VMP1: variants seen among roughly 807,000 people sequenced by gnomAD.
VMP1 encodes the protein vacuole membrane protein 1.
A neutral mutation model predicts 56.0 loss-of-function variants in VMP1; 11 were observed. That is an observed-to-expected ratio of 0.20 (90% CI 0.12 to 0.32). The LOEUF (loss-of-function observed/expected upper bound fraction) is 0.32. VMP1 is among the 10% of genes least tolerant of loss of function. The probability of loss-of-function intolerance (pLI) is 1.00; values close to 1 mark genes in which losing one functional copy is unlikely to be tolerated. For synonymous variants in VMP1, 149 were observed against 165.0 expected (o/e 0.90, Z 0.74); for missense variants, 296 against 490.3 (o/e 0.60, Z 3.74).
At chr17:59,831,825 A>AG (rs2038817472) in intron 10 of VMP1, among the ~76,000 whole-genome samples, 1 of 151,674 alleles carries the variant, frequency 6.6e-6, no homozygotes. Flanking sequence ...AGAAGTTAAC[A>AG]ATAACAAAAG....
chr17:59,754,191 CA>C (rs555168407), intron 5 of VMP1, among the ~76,000 whole-genome samples: 5 of 151,574 alleles, frequency 3.3e-5, no homozygotes, highest in Admixed American at 1.3e-4. Context: ...AAAAAGAAAA[CA>C]AAAAAAATTA....
intron 10 of VMP1, among the ~76,000 whole-genome samples, chr17:59,820,967 TTTTTTTG>T (rs1252576137): frequency 1.3e-5 from 2 of 151,214 alleles, no homozygotes; most frequent in African/African-American, 4.9e-5. Flanking sequence ...CTTTCTTTCT[TTTTTTTG>T]TTTTTTTTTT....
chr17:59,801,223 T>C (rs956151865), intron 7 of VMP1, among the ~76,000 whole-genome samples: 3 of 151,358 alleles, frequency 2.0e-5, no homozygotes, highest in Non-Finnish European at 4.4e-5. Flanking sequence ...ATATATTTAC[T>C]ATACTATAGT....
chr17:59,821,607 G>A (rs1179538590), intron 10 of VMP1, among the ~76,000 whole-genome samples: 2 of 140,120 alleles, frequency 1.4e-5, no homozygotes, highest in Non-Finnish European at 3.0e-5. Context: ...GTGCAATGGT[G>A]CGATCTCAGA....
In VMP1 at chr17:59,765,009, A is replaced by G. The variant is rs779226470; in HGVS notation, c.453A>G (p.Glu151=). The change falls in exon 6 of 12, where the codon GAA becomes GAG. Residue 151 remains glutamate, a synonymous_variant. Coordinates refer to ENST00000262291, the MANE Select transcript of VMP1 (RefSeq NM_030938.5). The part of the protein sequence containing the change: ...HIASVTLAAY[E]CNSVNFPEPP... ...CCTCAGTTACATTAGCTGCTTATGA[A>G]TGCAATTCAGTTAATTTTCCCGAAC... 2.0e-5 allele frequency: 32 copies of G among 1,613,500 alleles called. No individual in the cohort carries two copies. The highest frequency in any genetic ancestry group is 2.5e-6 in the Non-Finnish European group (3 of 1,179,824).
At chr17:59,755,957 G>C (rs1045466083) in intron 5 of VMP1, among the ~76,000 whole-genome samples, 14 of 151,942 alleles carry the variant, frequency 9.2e-5, no homozygotes, top group Non-Finnish European at 5.9e-5. Flanking sequence ...AGCTAGTCTC[G>C]AACTCCTGGG....
chr17:59,757,238 GAGATAGAT>G (rs72408206), intron 5 of VMP1, among the ~76,000 whole-genome samples: 29,101 of 146,724 alleles, frequency 0.2, 3,132 homozygotes, highest in Middle Eastern at 0.28. Context: ...GATTAGGATG[GAGATAGAT>G]AGATAGATAG....
At chr17:59,821,169 A>G (rs1246839669) in intron 10 of VMP1, among the ~76,000 whole-genome samples, 1 of 151,808 alleles carries the variant, frequency 6.6e-6, no homozygotes, top group Admixed American at 6.6e-5. Context: ...ACAGGGTTTC[A>G]CGGTGTTAGC....
Position 59,838,421 on chromosome 17 carries a change from C to A in VMP1, c.1077+24C>A, listed in dbSNP as rs2039053874. 5 of 1,611,868 alleles carry A rather than the reference C, an allele frequency of 3.1e-6. No homozygotes were observed. The East Asian group carries it at 1.1e-4, about 36-fold the overall frequency. On this transcript the variant is annotated intron_variant, in intron 11 of 11. Transcript: ENST00000262291. ...AGGTAAGACTTTAATCCGGTTTCTT[C>A]TCCCCTCTGGGAAGTTTCGGGCTGA...
chr17:59,832,064 T>C (rs545544714), intron 10 of VMP1, among the ~76,000 whole-genome samples: 1 of 151,902 alleles, frequency 6.6e-6, no homozygotes, highest in African/African-American at 2.4e-5. Flanking sequence ...TTTTTTTTAA[T>C]CTTACATTTG....
chr17:59,804,131 T>A (rs2037766431), intron 7 of VMP1, among the ~76,000 whole-genome samples: 1 of 151,952 alleles, frequency 6.6e-6, no homozygotes, highest in Non-Finnish European at 1.5e-5. Flanking sequence ...ATACAAATAA[T>A]TAAAAAATAT....
chr17:59,787,839 G>A (rs1301569015), intron 7 of VMP1, among the ~76,000 whole-genome samples: 2 of 151,816 alleles, frequency 1.3e-5, no homozygotes, highest in Non-Finnish European at 2.9e-5. Flanking sequence ...TAATTAATTA[G>A]TTAATTAATT....
In VMP1 at chr17:59,761,123, G is replaced by A. The variant is rs1166596721; in HGVS notation, c.415-3848G>A. On this transcript the variant is annotated intron_variant, in intron 5 of 11. Transcript: ENST00000262291. The stretch of plus-strand genomic sequence containing the variant: ...TCACCATGTTGGCCAGGCTAGTCTC[G>A]AACTCCTGACCTCATGATCCACCCA... Among the ~76,000 whole-genome samples the A allele has an allele frequency of 2.3e-5, 3 of 131,788 alleles. No individual in the cohort carries two copies. In the South Asian group the frequency reaches 7.4e-4, roughly 33 times the overall value. The allele number at this position is 131,788 out of a possible 152,430, so 86.5% of individuals were successfully genotyped here.
intron 10 of VMP1, among the ~76,000 whole-genome samples, chr17:59,833,314 A>G (rs1598463285): frequency 6.6e-6 from 1 of 152,168 alleles, no homozygotes; most frequent in African/African-American, 2.4e-5. Context: ...AAACTATAGT[A>G]TAAGAGTACT....
At chr17:59,789,833 C>T (rs1219083776) in intron 7 of VMP1, among the ~76,000 whole-genome samples, 1 of 97,122 alleles carries the variant, frequency 1.0e-5, no homozygotes, top group African/African-American at 4.0e-5. Flanking sequence ...TTCTTTCTTT[C>T]CCTTTTTTTT....
chr17:59,712,230 C>T (rs1193787690), intron 1 of VMP1, among the ~76,000 whole-genome samples: 1 of 152,162 alleles, frequency 6.6e-6, no homozygotes, highest in Non-Finnish European at 1.5e-5. Context: ...CTTTATGTTG[C>T]TGCTTACTTA....
At chr17:59,831,095 G>A (rs924955310) in intron 10 of VMP1, among the ~76,000 whole-genome samples, 38 of 152,116 alleles carry the variant, frequency 2.5e-4, no homozygotes, top group African/African-American at 8.9e-4. Context: ...CAAAGTGCTC[G>A]GATTACTGGC....
chr17:59,789,797 T>TTTTC lies in VMP1; in HGVS notation c.714+15923_714+15926dup, dbSNP rs1301706680. 5.0e-4 allele frequency among the ~76,000 whole-genome samples: 76 copies of TTTTC among 151,528 alleles called. 1 individual carries two copies. Among genetic ancestry groups the TTTTC allele is most frequent in the Admixed American group, 4.7e-3 (71 of 15,176 alleles). On this transcript the variant is annotated intron_variant, in intron 7 of 11. Coordinates refer to ENST00000262291, the MANE Select transcript of VMP1 (RefSeq NM_030938.5). ...ATCAATCTGCAGTTCTTTCTCTTTC[T>TTTTC]TTTCTTTCTTTCTTCCTTCCTTCCT... is the stretch of plus-strand genomic sequence containing the variant.
At chr17:59,768,978 G>A (rs1041986975) in intron 6 of VMP1, among the ~76,000 whole-genome samples, 1 of 151,484 alleles carries the variant, frequency 6.6e-6, no homozygotes, top group African/African-American at 2.4e-5. Context: ...AAAATTATCC[G>A]GGTGTAGTGG....
Sources: gnomAD v4.1 joint callset for allele counts (sites outside exome capture counted in the v4.1 genomes callset) on GRCh38, gnomAD v4.1.1 for gene constraint, MANE v1.5 for transcripts, NCBI Gene and HGNC (gene_info 2026-07-23, HGNC 2026-07-21) for gene names.